RHOBTB1: variants seen among roughly 807,000 people sequenced by gnomAD.
The protein encoded by RHOBTB1 is rho-related BTB domain-containing protein 1.
Under a neutral mutation model 71.6 loss-of-function variants are expected in RHOBTB1, and 40 were observed. The ratio of observed to expected loss-of-function variants is 0.56; its 90% CI spans 0.43 to 0.73. The LOEUF (loss-of-function observed/expected upper bound fraction) is 0.73, where lower values mean the gene tolerates loss of function less well. Among genes scored for constraint, RHOBTB1 ranks in the 30% least tolerant of loss-of-function variants. The pLI is 0.00. For synonymous variants in RHOBTB1, 319 were observed against 334.9 expected (o/e 0.95, Z 0.52); for missense variants, 797 against 894.0 (o/e 0.89, Z 1.38).
At chr10:60,969,727 C>T (rs1055197742) in intron 2 of RHOBTB1, among the ~76,000 whole-genome samples, 3 of 152,094 alleles carry the variant, frequency 2.0e-5, no homozygotes, top group African/African-American at 7.2e-5. Context: ...CCTTTGAAGT[C>T]ACCTTCAATC....
At chr10:60,943,627 G>A (rs895786643) in intron 1 of RHOBTB1, among the ~76,000 whole-genome samples, 5 of 152,218 alleles carry the variant, frequency 3.3e-5, no homozygotes, top group Admixed American at 1.3e-4. Flanking sequence ...CTTCGAAGGG[G>A]AAGCGCCTTC....
chr10:60,930,844 T>TG (rs1319668428), intron 2 of RHOBTB1, among the ~76,000 whole-genome samples: 4 of 152,120 alleles, frequency 2.6e-5, no homozygotes, highest in African/African-American at 9.7e-5. Context: ...CATCATTCTC[T>TG]GCTTGTCTTA....
chr10:60,951,316 C>T (rs555277263), intron 2 of RHOBTB1, among the ~76,000 whole-genome samples: 1 of 147,512 alleles, frequency 6.8e-6, no homozygotes, highest in African/African-American at 2.5e-5. Context: ...TTAATTGGCA[C>T]CACCACTCCT....
intron 1 of RHOBTB1, among the ~76,000 whole-genome samples, chr10:60,988,655 A>G (rs1434641151): frequency 1.3e-5 from 2 of 152,204 alleles, no homozygotes; most frequent in Non-Finnish European, 2.9e-5. Context: ...TTATGGCTAC[A>G]AAGTATTCCA....
Position 60,930,393 on chromosome 10 carries a change from T to C in RHOBTB1, c.-11+11411A>G, listed in dbSNP as rs547930839. ...ATCAAGAGAACATCAGTAAGTCTTA[T>C]CTATTAATATTGTCATAGAAGTTAT... On this transcript the variant is annotated intron_variant, in intron 2 of 10. Transcript: ENST00000337910. Among the ~76,000 whole-genome samples, 12 of 152,342 alleles carry C rather than the reference T, an allele frequency of 7.9e-5. No individual in the cohort carries two copies. In the South Asian group the frequency reaches 2.1e-3, roughly 26 times the overall value.
intron 2 of RHOBTB1, among the ~76,000 whole-genome samples, chr10:60,935,457 A>T (rs1056297375): frequency 6.6e-6 from 1 of 152,012 alleles, no homozygotes; most frequent in Non-Finnish European, 1.5e-5. Context: ...ATTTTTTTTT[A>T]AATATAAGAT....
At chr10:60,980,971 T>C (rs1321510996) in intron 2 of RHOBTB1, among the ~76,000 whole-genome samples, 1 of 152,210 alleles carries the variant, frequency 6.6e-6, no homozygotes, top group Non-Finnish European at 1.5e-5. Context: ...AAAAGTGGAT[T>C]ATCAACTATA....
intron 2 of RHOBTB1, among the ~76,000 whole-genome samples, chr10:60,982,291 G>A (rs2086522900): frequency 3.3e-5 from 5 of 152,126 alleles, no homozygotes; most frequent in Admixed American, 3.3e-4. Flanking sequence ...CTGACTAACT[G>A]TACTGGGATG....
intron 7 of RHOBTB1, among the ~76,000 whole-genome samples, chr10:60,884,416 G>T (rs757734428): frequency 1.3e-5 from 2 of 152,174 alleles, no homozygotes; most frequent in Non-Finnish European, 2.9e-5. Context: ...TTTTAAAAAA[G>T]ATGTTAAAAA....
At chr10:60,963,792 A>G (rs539227211) in intron 2 of RHOBTB1, among the ~76,000 whole-genome samples, 1 of 152,294 alleles carries the variant, frequency 6.6e-6, no homozygotes, top group East Asian at 1.9e-4. Flanking sequence ...TCCAAATTAC[A>G]AGTTCCCTGA....
upstream of RHOBTB1, among the ~76,000 whole-genome samples, chr10:60,945,549 A>G (rs541859748): frequency 6.6e-6 from 1 of 152,296 alleles, no homozygotes; most frequent in East Asian, 1.9e-4. Flanking sequence ...CAGTTTCCTG[A>G]TGAATTACCC....
At chr10:60,904,635 G>C (rs1249434809) in intron 4 of RHOBTB1, among the ~76,000 whole-genome samples, 1 of 152,110 alleles carries the variant, frequency 6.6e-6, no homozygotes, top group Non-Finnish European at 1.5e-5. Flanking sequence ...ATTCCAGGAC[G>C]GTGTTTACCA....
At chr10:60,861,398 A>G in the RHOBTB1 span, among the ~76,000 whole-genome samples, 1 of 152,216 alleles carries the variant, frequency 6.6e-6, no homozygotes, top group Non-Finnish European at 1.5e-5. Flanking sequence ...GCTGTAATGT[A>G]TTCTCCAGAC....
downstream of RHOBTB1, among the ~76,000 whole-genome samples, chr10:60,868,445 C>T (rs556573125): frequency 6.6e-6 from 1 of 152,296 alleles, no homozygotes; most frequent in East Asian, 1.9e-4. Context: ...ACTCAAGATT[C>T]ACTTTGTTTT....
intron 2 of RHOBTB1, among the ~76,000 whole-genome samples, chr10:60,964,299 G>T (rs2085884085): frequency 6.6e-6 from 1 of 152,064 alleles, no homozygotes; most frequent in African/African-American, 2.4e-5. Context: ...CGCCAGAGAG[G>T]ATACAACTGA....
rs369450641 is a variant in RHOBTB1, at chr10:60,985,761, A to T, written c.-62+84T>A. ...ATTATTCATAAGTCATGCCATCTTT[A>T]CACAAGATGCTTTTCCATTTCTTTG... On this transcript the variant is annotated intron_variant, in intron 2 of 11. Transcript: ENST00000357917. 2.0e-5 allele frequency: 3 copies of T among 152,236 alleles called. No homozygotes were observed. The East Asian group carries it at 5.8e-4, about 29-fold the overall frequency. 9.4% of individuals were successfully genotyped at this position (152,236 alleles called of 1,614,324 possible). A position where few individuals can be genotyped will look rare whatever the true frequency, so the allele number is the denominator to read the frequency against.
rs71018931 is a variant in RHOBTB1 at position 60,880,202 on chromosome 10, TGAGAGAGA to T, written c.1576-2152_1576-2145del. ...CTGTGTGTGTGTGTGTGTGTGTGTGTGAGAGAGAGAGAGAGAGAGAGAGAGAGAGAGAG... is the reference window on the plus strand; with the variant it reads ...CTGTGTGTGTGTGTGTGTGTGTGTGTGAGAGAGAGAGAGAGAGAGAGAGAG... On this transcript the variant is annotated intron_variant, in intron 7 of 10. Coordinates refer to ENST00000337910, the MANE Select transcript of RHOBTB1 (RefSeq NM_014836.5). 6.5e-3 allele frequency among the ~76,000 whole-genome samples: 821 copies of T among 126,960 alleles called. 11 individuals are homozygous for T. The highest frequency in any genetic ancestry group is 0.023 in the African/African-American group (757 of 32,672). The allele number at this position is 126,960 out of a possible 152,430, so 83.3% of individuals were successfully genotyped here. A position where few individuals can be genotyped will look rare whatever the true frequency, so the allele number is the denominator to read the frequency against.
At chr10:60,893,470 A>G (rs1374568574) in intron 4 of RHOBTB1, among the ~76,000 whole-genome samples, 1 of 152,226 alleles carries the variant, frequency 6.6e-6, no homozygotes, top group Non-Finnish European at 1.5e-5. Context: ...TTTGCTGTAC[A>G]GGGTCAGCAA....
intron 1 of RHOBTB1, among the ~76,000 whole-genome samples, chr10:60,988,994 C>G (rs545861447): frequency 1.3e-5 from 2 of 152,316 alleles, no homozygotes; most frequent in African/African-American, 4.8e-5. Flanking sequence ...GCTTTATTCA[C>G]ATTTCTAACT....
Sources: allele counts gnomAD v4.1 joint callset (sites outside exome capture counted in the v4.1 genomes callset), GRCh38; gene constraint gnomAD v4.1.1; transcripts MANE v1.5; gene names NCBI Gene and HGNC (gene_info 2026-07-23, HGNC 2026-07-21).